THADA: variants seen among roughly 807,000 people sequenced by gnomAD.
The protein encoded by THADA is tRNA (32-2'-O)-methyltransferase regulator THADA.
Under a neutral mutation model 219.8 loss-of-function variants are expected in THADA, and 213 were observed. The ratio of observed to expected loss-of-function variants is 0.97; its 90% confidence interval spans 0.87 to 1.09. THADA has a LOEUF of 1.09. THADA is among the 50% of genes least tolerant of loss of function. The pLI is 0.00. For synonymous variants in THADA, 1,018 were observed against 828.9 expected (o/e 1.23, Z -3.92); for missense variants, 2,956 against 2,311.3 (o/e 1.28, Z -5.72).
Position 43,293,147 on chromosome 2 carries a change from C to A in THADA, c.4505G>T (p.Gly1502Val), listed in dbSNP as rs1246272975. The A allele has an allele frequency of 6.2e-7, 1 of 1,613,854 alleles. No individual in the cohort carries two copies. Among genetic ancestry groups the A allele is most frequent in the African/African-American group, 1.3e-5 (1 of 74,910 alleles). ...GIISGSELIT[G>V]FPWAFKVPGL... Reference sequence around the variant, plus strand: ...TGGCACCTTGAAGGCCCAAGGGAATCCCGTTATCAGCTCTGATCCTGAGAT... The same window carrying A: ...TGGCACCTTGAAGGCCCAAGGGAATACCGTTATCAGCTCTGATCCTGAGAT... The change falls in exon 32 of 38, where the codon GGA becomes GTA. Residue 1502 changes from glycine to valine, a missense_variant. By Grantham distance (109) the Gly-to-Val change is moderately radical. Transcript: ENST00000405975.
chr2:43,594,354 T>C lies in THADA; in HGVS notation c.-25+1577A>G, dbSNP rs940164252. ...CAGCACTTTGGGAGGCCGAGGCGGG[T>C]GGATCTCCTGAAGTCAGGAGTTCAA... is the stretch of plus-strand genomic sequence containing the variant. On this transcript the variant is annotated intron_variant, in intron 1 of 37. Coordinates refer to ENST00000405975, the MANE Select transcript of THADA (RefSeq NM_022065.5). Among the ~76,000 whole-genome samples, 6 of 151,966 alleles carry C rather than the reference T, an allele frequency of 3.9e-5. 1 individual carries two copies. The highest frequency in any genetic ancestry group is 3.9e-4 in the Admixed American group (6 of 15,258).
intron 4 of THADA, among the ~76,000 whole-genome samples, chr2:43,588,950 G>A (rs981968234): frequency 6.6e-6 from 1 of 151,944 alleles, no homozygotes; most frequent in Non-Finnish European, 1.5e-5. Context: ...ATACATACAT[G>A]TCATATATAT....
chr2:43,280,008 C>T (rs1673157592), intron 35 of THADA, 112 bp from the exon 36 acceptor site: 1 of 1,058,154 alleles, frequency 9.5e-7, no homozygotes. Flanking sequence ...TTACAGCTAT[C>T]TCTTTTTTTC....
Position 43,574,630 on chromosome 2 carries a change from A to G in THADA, c.1435T>C (p.Ser479Pro), listed in dbSNP as rs1699655448. 6.2e-7 allele frequency: 1 copy of G among 1,613,988 alleles called. No homozygotes were observed. The highest frequency in any genetic ancestry group is 1.1e-5 in the South Asian group (1 of 91,090). Residue 479 changes from serine (S) to proline (P), a missense_variant, in exon 11 of 38, where the codon TCT becomes CCT. Ser to Pro is a moderately conservative substitution (Grantham distance 74, BLOSUM62 -1). Coordinates refer to ENST00000405975, the MANE Select transcript of THADA (RefSeq NM_022065.5). ...HILAIDKTIP[S>P]QILEVMGDQS... ...TCTCCCATCACCTCTAAGATTTGAG[A>G]TGGAATAGTTTTATCTATAGCCAAA...
chr2:43,590,001 C>T (rs1175659678), intron 4 of THADA, among the ~76,000 whole-genome samples: 1 of 151,942 alleles, frequency 6.6e-6, no homozygotes, highest in East Asian at 1.9e-4. Flanking sequence ...ATCTCGTTTA[C>T]AGATATATAT....
intron 28 of THADA, among the ~76,000 whole-genome samples, chr2:43,422,357 G>A (rs1395470579): frequency 6.6e-6 from 1 of 152,144 alleles, no homozygotes; most frequent in Non-Finnish European, 1.5e-5. Context: ...GTTTCCAGAT[G>A]TTTGGTTTCC....
At chr2:43,388,797 C>T (rs1244446742) in intron 29 of THADA, among the ~76,000 whole-genome samples, 4 of 152,182 alleles carry the variant, frequency 2.6e-5, no homozygotes, top group African/African-American at 4.8e-5. Context: ...GTCTCATGCA[C>T]TCACACATCA....
intron 29 of THADA, among the ~76,000 whole-genome samples, chr2:43,365,245 TC>T (rs982040501): frequency 9.2e-5 from 14 of 152,154 alleles, no homozygotes; most frequent in African/African-American, 3.1e-4. Context: ...TTTTAAAAGA[TC>T]CTTCTCCCTA....
At chr2:43,254,287 C>T (rs956388976) in intron 36 of THADA, among the ~76,000 whole-genome samples, 3 of 151,992 alleles carry the variant, frequency 2.0e-5, no homozygotes, top group Non-Finnish European at 4.4e-5. Flanking sequence ...GTGAGCTGAT[C>T]GAAAACAGAA....
At chr2:43,289,974 TTG>T (rs1305914337) in intron 34 of THADA, among the ~76,000 whole-genome samples, 3 of 108,708 alleles carry the variant, frequency 2.8e-5, no homozygotes, top group East Asian at 6.2e-4. Context: ...TTTTTTGTTT[TTG>T]TTTTTTTTTT....
At chr2:43,483,115 C>T (rs909337780) in intron 26 of THADA, among the ~76,000 whole-genome samples, 2 of 152,108 alleles carry the variant, frequency 1.3e-5, no homozygotes, top group Non-Finnish European at 2.9e-5. Flanking sequence ...TTCCAAATTG[C>T]GAGCAGGACA....
intron 35 of THADA, among the ~76,000 whole-genome samples, chr2:43,281,857 C>T (rs1441304916): frequency 6.6e-6 from 1 of 152,094 alleles, no homozygotes; most frequent in Non-Finnish European, 1.5e-5. Flanking sequence ...GCAGGCTCGA[C>T]CTCCCAGGTT....
intron 31 of THADA, among the ~76,000 whole-genome samples, chr2:43,302,031 CTTCT>C (rs1676323356): frequency 6.7e-6 from 1 of 149,892 alleles, no homozygotes; most frequent in Non-Finnish European, 1.5e-5. Context: ...ATTTTTAAAC[CTTCT>C]TTGCCTTTTT....
intron 25 of THADA, among the ~76,000 whole-genome samples, chr2:43,496,375 C>A (rs1323148362): frequency 6.6e-6 from 1 of 152,182 alleles, no homozygotes; most frequent in African/African-American, 2.4e-5. Context: ...AGTTTTGAAT[C>A]AAAATGCTTC....
intron 30 of THADA, among the ~76,000 whole-genome samples, chr2:43,334,362 A>G (rs1666149178): frequency 6.6e-6 from 1 of 152,116 alleles, no homozygotes; most frequent in African/African-American, 2.4e-5. Context: ...GGAAGTGGAT[A>G]GATTATTAGA....
At chr2:43,306,989 T>G (rs187008612) in intron 31 of THADA, among the ~76,000 whole-genome samples, 2 of 152,208 alleles carry the variant, frequency 1.3e-5, no homozygotes, top group Non-Finnish European at 2.9e-5. Flanking sequence ...CACTTTACAG[T>G]TGAAGAACCA....
chr2:43,555,051 T>C lies in THADA; in HGVS notation c.2674+1294A>G, dbSNP rs138057624. On this transcript the variant is annotated intron_variant, in intron 17 of 37. Transcript: ENST00000405975. Reference sequence around the variant, plus strand: ...TTGGATTACGGATGCTCAACCTATATGTAAAAGATCTACATAAGAATGTTT... The same window carrying C: ...TTGGATTACGGATGCTCAACCTATACGTAAAAGATCTACATAAGAATGTTT... 2.7e-4 allele frequency among the ~76,000 whole-genome samples: 41 copies of C among 152,082 alleles called. No individual in the cohort carries two copies. The East Asian group carries it at 7.5e-3, about 28-fold the overall frequency.
intron 33 of THADA, 161 bp from the exon 34 acceptor site, chr2:43,291,929 T>A: frequency 1.3e-6 from 1 of 770,362 alleles, no homozygotes. Context: ...CTTTTGGTTA[T>A]TAATGCAAAT....
At chr2:43,365,083 G>A (rs1295297727) in intron 29 of THADA, among the ~76,000 whole-genome samples, 1 of 151,238 alleles carries the variant, frequency 6.6e-6, no homozygotes, top group East Asian at 2.0e-4. Flanking sequence ...GCACCACTAT[G>A]CCTGGCTAAT....
Sources: allele counts gnomAD v4.1 joint callset (sites outside exome capture counted in the v4.1 genomes callset), GRCh38; gene constraint gnomAD v4.1.1; transcripts MANE v1.5; gene names NCBI Gene and HGNC (gene_info 2026-07-23, HGNC 2026-07-21).